Variants in MGMT observed in about 807,000 individuals in gnomAD.
MGMT encodes the protein methylated-DNA--protein-cysteine methyltransferase.
A neutral mutation model predicts 15.9 loss-of-function variants in MGMT; 14 were observed. The observed-to-expected ratio is 0.88, with a 90% CI of 0.58 to 1.37. The LOEUF (loss-of-function observed/expected upper bound fraction) is 1.37. MGMT is among the 40% of genes most tolerant of loss of function. The pLI, the probability that MGMT is intolerant of heterozygous loss-of-function variation, is 0.00. For synonymous variants in MGMT, 130 were observed against 118.2 expected, an observed-to-expected ratio of 1.10 and a Z score of -0.65; for missense variants, 282 against 268.1, an observed-to-expected ratio of 1.05 and a Z score of -0.36.
chr10:129,626,159 C>T (rs1028645079), intron 2 of MGMT, among the ~76,000 whole-genome samples: 3 of 152,144 alleles, frequency 2.0e-5, no homozygotes, highest in African/African-American at 4.8e-5. Context: ...GGAACTGCTC[C>T]GCGCTTGGGA....
intron 2 of MGMT, among the ~76,000 whole-genome samples, chr10:129,646,040 C>A (rs1202310652): frequency 2.0e-5 from 3 of 151,960 alleles, no homozygotes; most frequent in Non-Finnish European, 4.4e-5. Context: ...TTGGCACTTA[C>A]TAATAGCATT....
In MGMT at chr10:129,518,325, GAT is replaced by G. The variant is rs72102475; in HGVS notation, c.-12-17914_-12-17913del. On this transcript the variant is annotated intron_variant, in intron 1 of 4. Coordinates refer to ENST00000651593, the MANE Select transcript of MGMT (RefSeq NM_002412.5). ...GAAAATTCTAAATGATGTGTGTACAGATACACACACATACACACACACACACA... is the reference window on the plus strand; with the variant it reads ...GAAAATTCTAAATGATGTGTGTACAGACACACACATACACACACACACACA... Among the ~76,000 whole-genome samples the G allele has an allele frequency of 1.5e-3, 134 of 88,102 alleles. 3 individuals carry two copies. The highest frequency in any genetic ancestry group is 5.4e-3 in the South Asian group (15 of 2,776). 57.8% of individuals were successfully genotyped at this position (88,102 alleles called of 152,430 possible).
Position 129,754,048 on chromosome 10 carries a change from C to T in MGMT, c.275-5154C>T, listed in dbSNP as rs554590150. Among the ~76,000 whole-genome samples, 19 of 152,300 alleles carry T rather than the reference C, an allele frequency of 1.2e-4. 1 individual carries two copies. In the South Asian group the frequency reaches 3.3e-3, roughly 27 times the overall value. On this transcript the variant is annotated intron_variant, in intron 3 of 4. Transcript: ENST00000651593. ...TTAACATCAGTTCTTTTGTGCACCA[C>T]TCACCAGCCAGTTTGGGAACTGGCA...
In MGMT at chr10:129,767,083, G is replaced by T. The variant is rs1848947900; in HGVS notation, c.*86G>T. On this transcript the variant is annotated 3_prime_UTR_variant, in exon 5 of 5. Coordinates refer to ENST00000651593, the MANE Select transcript of MGMT (RefSeq NM_002412.5). ...GGCGTGGAGGCACCGCTGTATTAAA[G>T]GAAGTGGCAGTGTCCTGGGAACAAG... The T allele has an allele frequency of 1.7e-6, 2 of 1,157,566 alleles. No homozygotes were observed. The highest frequency in any genetic ancestry group is 5.6e-5 in the Admixed American group (2 of 35,776). 71.7% of individuals were successfully genotyped at this position (1,157,566 alleles called of 1,614,324 possible).
At chr10:129,713,691 G>A (rs939102512) in intron 3 of MGMT, among the ~76,000 whole-genome samples, 36 of 152,196 alleles carry the variant, frequency 2.4e-4, no homozygotes, top group Admixed American at 2.4e-3. Context: ...TGCAGGATGT[G>A]TGTGAAACAA....
At chr10:129,682,071 G>T (rs1847859224) in intron 2 of MGMT, among the ~76,000 whole-genome samples, 1 of 152,094 alleles carries the variant, frequency 6.6e-6, no homozygotes, top group Non-Finnish European at 1.5e-5. Context: ...ACAGCCACTC[G>T]GAGACCACGT....
At chr10:129,602,558 A>G (rs555022266) in intron 2 of MGMT, among the ~76,000 whole-genome samples, 10 of 152,304 alleles carry the variant, frequency 6.6e-5, no homozygotes, top group African/African-American at 2.2e-4. Context: ...GAGCCACACA[A>G]AGCAAAACAG....
Position 129,554,053 on chromosome 10 carries a change from G to A in MGMT, c.125+17676G>A, listed in dbSNP as rs931196794. ...GCAGCTGTTATGTGACCATGAGGGC[G>A]TGGGACTGGGGCTGAAAGGTGGCGT... On this transcript the variant is annotated intron_variant, in intron 2 of 4. Transcript: ENST00000651593. Among the ~76,000 whole-genome samples the A allele has an allele frequency of 3.9e-5, 6 of 152,354 alleles. No individual in the cohort carries two copies. In the South Asian group the frequency reaches 6.2e-4, roughly 16 times the overall value.
chr10:129,720,069 CCTTG>C (rs1247421757), intron 3 of MGMT, among the ~76,000 whole-genome samples: 6 of 152,174 alleles, frequency 3.9e-5, no homozygotes, highest in Non-Finnish European at 8.8e-5. Flanking sequence ...CGCCCTCCGC[CCTTG>C]CTTGCTATGT....
At chr10:129,754,160 G>A (rs974097678) in intron 3 of MGMT, among the ~76,000 whole-genome samples, 2 of 152,088 alleles carry the variant, frequency 1.3e-5, no homozygotes, top group Non-Finnish European at 2.9e-5. Context: ...CAGCTCACCC[G>A]AACAGGTGAG....
chr10:129,637,992 G>C (rs1249079933), intron 2 of MGMT, among the ~76,000 whole-genome samples: 4 of 152,190 alleles, frequency 2.6e-5, no homozygotes, highest in Non-Finnish European at 5.9e-5. Flanking sequence ...TGCACTCGCG[G>C]GAGAGTGAGT....
intron 2 of MGMT, among the ~76,000 whole-genome samples, chr10:129,688,258 A>G (rs1847931956): frequency 6.6e-6 from 1 of 152,162 alleles, no homozygotes. Flanking sequence ...TCCTTGAGGA[A>G]TCGCCACACT....
chr10:129,586,628 G>A (rs926788043), intron 2 of MGMT, among the ~76,000 whole-genome samples: 8 of 152,134 alleles, frequency 5.3e-5, no homozygotes, highest in East Asian at 1.9e-4. Context: ...TTTATCATTC[G>A]TTTGTTATTG....
intron 1 of MGMT, among the ~76,000 whole-genome samples, chr10:129,507,142 G>A (rs190043111): frequency 1.3e-5 from 2 of 152,204 alleles, no homozygotes; most frequent in Non-Finnish European, 2.9e-5. Context: ...TGTGAGGACC[G>A]GGTGAAACAG....
chr10:129,687,852 C>T (rs900794681), intron 2 of MGMT, among the ~76,000 whole-genome samples: 30 of 152,032 alleles, frequency 2.0e-4, no homozygotes, highest in Non-Finnish European at 2.9e-5. Flanking sequence ...CCCCCAGCCC[C>T]CCACCCCACA....
chr10:129,568,617 A>G (rs922182175), intron 2 of MGMT, among the ~76,000 whole-genome samples: 1 of 152,192 alleles, frequency 6.6e-6, no homozygotes, highest in Non-Finnish European at 1.5e-5. Context: ...AGGCTGAATT[A>G]AGAGGAAAAA....
intron 3 of MGMT, among the ~76,000 whole-genome samples, chr10:129,713,714 C>T (rs571755609): frequency 6.6e-6 from 1 of 152,246 alleles, no homozygotes; most frequent in African/African-American, 2.4e-5. Context: ...GTAGAGTGAG[C>T]ACTGGTGGGG....
intron 2 of MGMT, among the ~76,000 whole-genome samples, chr10:129,637,975 C>A (rs1352695993): frequency 6.6e-6 from 1 of 152,200 alleles, no homozygotes; most frequent in Non-Finnish European, 1.5e-5. Flanking sequence ...TCAGCAAGTG[C>A]CAGCCTTGCA....
intron 2 of MGMT, among the ~76,000 whole-genome samples, chr10:129,604,415 G>A (rs562617866): frequency 4.6e-5 from 7 of 152,206 alleles, no homozygotes; most frequent in Admixed American, 2.6e-4. Context: ...ATTTGGTGGC[G>A]GTGAATTTGC....
Sources: allele counts gnomAD v4.1 joint callset (sites outside exome capture counted in the v4.1 genomes callset), GRCh38; gene constraint gnomAD v4.1.1; transcripts MANE v1.5; gene names NCBI Gene and HGNC (gene_info 2026-07-23, HGNC 2026-07-21).